Variants in WDFY3 observed in about 807,000 individuals in gnomAD.
WDFY3 encodes the protein WD repeat and FYVE domain containing 3, also known as WD repeat and FYVE domain-containing protein 3.
In WDFY3, 66 loss-of-function variants were observed where a neutral mutation model predicts 409.6. The ratio of observed to expected loss-of-function variants is 0.16; its 90% CI spans 0.13 to 0.20. The LOEUF (loss-of-function observed/expected upper bound fraction) is 0.20, where lower values mean the gene tolerates loss of function less well. Among genes scored for constraint, WDFY3 ranks in the 10% least tolerant of loss-of-function variants. The pLI is 1.00. For missense variants in WDFY3, 3,031 were observed against 4,298.1 expected, an observed-to-expected ratio of 0.71 and a Z score of 8.24; for synonymous variants, 1,521 against 1,537.1, an observed-to-expected ratio of 0.99 and a Z score of 0.25.
chr4:84,951,745 A>C (rs1773639812), intron 1 of WDFY3, among the ~76,000 whole-genome samples: 1 of 152,228 alleles, frequency 6.6e-6, no homozygotes, highest in African/African-American at 2.4e-5. Context: ...CTTGCCAAAC[A>C]AAATCTTCAT....
At chr4:84,768,362 G>A (rs148352890) in intron 30 of WDFY3, among the ~76,000 whole-genome samples, 135 of 152,288 alleles carry the variant, frequency 8.9e-4, no homozygotes, top group Middle Eastern at 3.4e-3. Context: ...ATAGCTAGAG[G>A]GGAGAAGTTA....
At chr4:84,696,916 T>G (rs573749457) in intron 56 of WDFY3, 93 bp from the exon 57 acceptor site, 1 of 1,111,680 alleles carries the variant, frequency 9.0e-7, no homozygotes, top group South Asian at 1.4e-5. Context: ...GTGGGTTAGA[T>G]TCAATACCAG....
intron 7 of WDFY3, among the ~76,000 whole-genome samples, chr4:84,835,298 T>A (rs1353238112): frequency 3.9e-5 from 6 of 152,204 alleles, no homozygotes; most frequent in African/African-American, 1.4e-4. Flanking sequence ...GCTATTCTAA[T>A]CAGCAAAGAT....
intron 7 of WDFY3, among the ~76,000 whole-genome samples, chr4:84,834,398 G>A (rs1420725065): frequency 2.0e-5 from 3 of 152,048 alleles, no homozygotes; most frequent in African/African-American, 7.2e-5. Context: ...TGTAATCCCA[G>A]CACTTTGGGA....
At chr4:84,892,425 TTA>T (rs1248344790) in intron 3 of WDFY3, among the ~76,000 whole-genome samples, 10 of 152,112 alleles carry the variant, frequency 6.6e-5, no homozygotes, top group Non-Finnish European at 1.5e-4. Context: ...TTTAAAGGTT[TTA>T]AAATACTTTT....
At chr4:84,927,622 C>G (rs111481594) in intron 2 of WDFY3, among the ~76,000 whole-genome samples, 61,815 of 151,756 alleles carry the variant, frequency 0.41, 13,160 homozygotes, top group African/African-American at 0.52. Flanking sequence ...TGGATCATGG[C>G]GGAGGTTTCC....
rs560319213 is a variant in WDFY3 at position 84,876,394 on chromosome 4, G to A, written c.-31-15772C>T. On this transcript the variant is annotated intron_variant, in intron 3 of 67. Coordinates refer to ENST00000295888, the MANE Select transcript of WDFY3 (RefSeq NM_014991.6). ...AACTATTTAACCTCAAGTCAGATAC[G>A]TTCTGTGTGTAAGATTCCTTATCTG... 1.6e-4 allele frequency among the ~76,000 whole-genome samples: 24 copies of A among 152,180 alleles called. No individual in the cohort carries two copies. The South Asian group carries it at 4.6e-3, about 29-fold the overall frequency.
At position 84,669,735 on chromosome 4, in the gene WDFY3, C is replaced by T. The variant is rs1725188819; in HGVS notation, c.*3133G>A. 6.7e-6 allele frequency: 1 copy of T among 148,762 alleles called. No homozygotes were observed. The highest frequency in any genetic ancestry group is 2.5e-5 in the African/African-American group (1 of 40,112). The allele number at this position is 148,762 out of a possible 1,614,324, so 9.2% of individuals were successfully genotyped here. A position where few individuals can be genotyped will look rare whatever the true frequency, so the allele number is the denominator to read the frequency against. ...ATTCTTCAGGTCTTTTACATAACCA[C>T]CAAGAAACAGATATTGGTTTCTGCA... is the stretch of plus-strand genomic sequence containing the variant. On this transcript the variant is annotated 3_prime_UTR_variant, in exon 68 of 68. Transcript: ENST00000295888.
intron 3 of WDFY3, among the ~76,000 whole-genome samples, chr4:84,884,506 A>C (rs1407766190): frequency 6.6e-6 from 1 of 152,160 alleles, no homozygotes; most frequent in African/African-American, 2.4e-5. Flanking sequence ...AGAGACCCTG[A>C]AGAAATTACA....
Position 84,810,015 on chromosome 4 carries a change from T to C in WDFY3, c.2217A>G (p.Ser739=), listed in dbSNP as rs534636767. The change falls in exon 14 of 68, where the codon TCA becomes TCG. Residue 739 remains serine (S), a synonymous_variant. Transcript: ENST00000295888. ...AAAGTCTTTGAAATGGCTGTGTATT[T>C]GAGGGGAAGACATTCATGGCGCTTA... ...RKISAMNVFP[S]NTQPFQRLLE... 1.2e-5 allele frequency: 19 copies of C among 1,614,078 alleles called. 1 individual carries two copies. The Middle Eastern group carries it at 1.6e-3, about 140-fold the overall frequency.
At chr4:84,894,947 C>CA (rs70943381) in intron 3 of WDFY3, among the ~76,000 whole-genome samples, 52,498 of 98,624 alleles carry the variant, frequency 0.53, 13,034 homozygotes, top group Non-Finnish European at 0.6. Flanking sequence ...GAGACTGTCT[C>CA]AAAAAAAAAA....
chr4:84,705,130 T>C (rs1465809756), intron 54 of WDFY3, among the ~76,000 whole-genome samples: 4 of 152,154 alleles, frequency 2.6e-5, no homozygotes, highest in East Asian at 1.9e-4. Flanking sequence ...TGATGGGAAA[T>C]TTCTGCCCTA....
At chr4:84,682,542 AAG>A in intron 63 of WDFY3, 72 bp from the exon 64 acceptor site, 1 of 1,158,298 alleles carries the variant, frequency 8.6e-7, no homozygotes. Context: ...TTACTCAATG[AAG>A]AGAGACTGTC....
In WDFY3 at chr4:84,681,992, G is replaced by A. The variant is rs550443162; in HGVS notation, c.9823+382C>T. ...CAATTGTATCTGTTGTCCACACTGA[G>A]CCAGCCCCATGGTGGGCAGAACAAA... On this transcript the variant is annotated intron_variant, in intron 64 of 67. Coordinates refer to ENST00000295888, the MANE Select transcript of WDFY3 (RefSeq NM_014991.6). Among the ~76,000 whole-genome samples the A allele has an allele frequency of 7.2e-5, 11 of 152,340 alleles. No homozygotes were observed. In the East Asian group the frequency reaches 2.1e-3, roughly 29 times the overall value.
At chr4:84,729,912 T>C (rs749478796) in intron 44 of WDFY3, among the ~76,000 whole-genome samples, 21 of 152,310 alleles carry the variant, frequency 1.4e-4, no homozygotes, top group Non-Finnish European at 2.6e-4. Flanking sequence ...AAAGCAACTT[T>C]AGGTTGGCAC....
At chr4:84,938,206 T>C (rs989086685) in intron 1 of WDFY3, among the ~76,000 whole-genome samples, 10 of 152,138 alleles carry the variant, frequency 6.6e-5, no homozygotes, top group Non-Finnish European at 1.5e-4. Flanking sequence ...ATTAACATTT[T>C]TTAAAATAAA....
intron 3 of WDFY3, among the ~76,000 whole-genome samples, chr4:84,865,728 T>C (rs2150256685): frequency 6.6e-6 from 1 of 152,322 alleles, no homozygotes; most frequent in South Asian, 2.1e-4. Context: ...GAATGATCCC[T>C]ACATCTATCA....
At position 84,672,830 on chromosome 4, in the gene WDFY3, G is replaced by A. The variant is rs1220873003; in HGVS notation, c.*38C>T. 6.2e-7 allele frequency: 1 copy of A among 1,613,052 alleles called. No individual in the cohort carries two copies. Among genetic ancestry groups the A allele is most frequent in the South Asian group, 1.1e-5 (1 of 90,896 alleles). On this transcript the variant is annotated 3_prime_UTR_variant, in exon 68 of 68. Transcript: ENST00000295888. ...GCTGGGACAGGAGAATCGGGAAGGGGTCTACAGACCATGGTCTCCACTCAG... is the reference window on the plus strand; with the variant it reads ...GCTGGGACAGGAGAATCGGGAAGGGATCTACAGACCATGGTCTCCACTCAG...
chr4:84,797,012 C>A (rs1749565688), intron 18 of WDFY3, among the ~76,000 whole-genome samples: 1 of 152,094 alleles, frequency 6.6e-6, no homozygotes, highest in African/African-American at 2.4e-5. Flanking sequence ...AAATAATTGT[C>A]ATCAAAGCCA....
Sources: allele counts gnomAD v4.1 joint callset (sites outside exome capture counted in the v4.1 genomes callset), GRCh38; gene constraint gnomAD v4.1.1; transcripts MANE v1.5; gene names NCBI Gene and HGNC (gene_info 2026-07-23, HGNC 2026-07-21).